IQSEC1: variants seen among roughly 807,000 people sequenced by gnomAD.
IQSEC1 encodes IQ motif and Sec7 domain ArfGEF 1, also known as IQ motif and SEC7 domain-containing protein 1.
A neutral mutation model predicts 91.0 loss-of-function variants in IQSEC1; 31 were observed. The observed-to-expected ratio is 0.34, with a 90% CI of 0.26 to 0.46. The LOEUF is 0.46. Among genes scored for constraint, IQSEC1 ranks in the 20% least tolerant of loss-of-function variants. IQSEC1 has a pLI of 1.00. For synonymous variants in IQSEC1, 699 were observed against 662.6 expected (o/e 1.05, Z -0.84); for missense variants, 1,388 against 1,575.6 (o/e 0.88, Z 2.02).
At chr3:13,191,606 G>A (rs1013054159) in intron 1 of IQSEC1, among the ~76,000 whole-genome samples, 5 of 149,748 alleles carry the variant, frequency 3.3e-5, no homozygotes, top group Non-Finnish European at 7.4e-5. Context: ...CAAAGTGCTG[G>A]GATTACAGGC....
chr3:13,223,801 T>G (rs796762726), intron 1 of IQSEC1, among the ~76,000 whole-genome samples: 1 of 152,306 alleles, frequency 6.6e-6, no homozygotes, highest in African/African-American at 2.4e-5. Flanking sequence ...TCTCAGCATT[T>G]TCTAAATGGA....
At chr3:13,027,794 G>C (rs1211924265) in intron 1 of IQSEC1, among the ~76,000 whole-genome samples, 1 of 152,168 alleles carries the variant, frequency 6.6e-6, no homozygotes, top group Admixed American at 6.5e-5. Context: ...ACTGTGGCTT[G>C]GCTCTGGCTG....
At chr3:13,163,562 G>A (rs962398829) in intron 2 of IQSEC1, among the ~76,000 whole-genome samples, 2 of 152,030 alleles carry the variant, frequency 1.3e-5, no homozygotes, top group Non-Finnish European at 2.9e-5. Context: ...CCCTCTTCTA[G>A]GTTCAGTCAG....
intron 2 of IQSEC1, among the ~76,000 whole-genome samples, chr3:13,119,741 G>C (rs531993111): frequency 1.3e-5 from 2 of 152,266 alleles, no homozygotes; most frequent in Non-Finnish European, 1.5e-5. Flanking sequence ...TGCATGTAAC[G>C]ATTGTGATGG....
chr3:12,905,773 GGTCC>G (rs1259703894), intron 12 of IQSEC1, among the ~76,000 whole-genome samples: 1 of 152,250 alleles, frequency 6.6e-6, no homozygotes, highest in Non-Finnish European at 1.5e-5. Flanking sequence ...GCTGCAGGCA[GGTCC>G]TCTCCGTAAG....
intron 1 of IQSEC1, among the ~76,000 whole-genome samples, chr3:13,182,003 A>G (rs1420064497): frequency 6.6e-6 from 1 of 152,174 alleles, no homozygotes; most frequent in Non-Finnish European, 1.5e-5. Flanking sequence ...ATAAACATTT[A>G]TATGTTTAGT....
At chr3:13,161,068 G>C (rs1035318706) in intron 2 of IQSEC1, among the ~76,000 whole-genome samples, 3 of 152,232 alleles carry the variant, frequency 2.0e-5, no homozygotes, top group Admixed American at 6.5e-5. Flanking sequence ...GGATCTTCGG[G>C]GGGTGGAGTG....
At position 13,193,752 on chromosome 3, in the gene IQSEC1, G is replaced by A. The variant is rs892743096; in HGVS notation, c.273-29619C>T. ...GCTCTCCCTGGACACATGCTGTGCT[G>A]GACGCTGTCCCACTTCCCCCGGCCC... is the stretch of plus-strand genomic sequence containing the variant. On this transcript the variant is annotated intron_variant, in intron 1 of 15. Transcript: ENST00000648114. This position sits in a 1 kb window ranked among gnomAD's most constrained non-coding sequence, Gnocchi z 4.2. Among the ~76,000 whole-genome samples the A allele has an allele frequency of 6.6e-6, 1 of 152,110 alleles. No individual in the cohort carries two copies. The highest frequency in any genetic ancestry group is 2.4e-5 in the African/African-American group (1 of 41,412).
chr3:13,205,887 T>G (rs1694334672), intron 1 of IQSEC1, among the ~76,000 whole-genome samples: 1 of 115,340 alleles, frequency 8.7e-6, no homozygotes, highest in Non-Finnish European at 1.8e-5. Context: ...GATCCCCCCA[T>G]TCATCCCCCA....
At chr3:13,073,996 G>C (rs1391530466), upstream of IQSEC1, among the ~76,000 whole-genome samples, 3 of 152,208 alleles carry the variant, frequency 2.0e-5, no homozygotes. Context: ...GAGAATTTCT[G>C]GTCTAGCTAT....
rs563684387 is a variant in IQSEC1, at chr3:12,978,291, G to A, written c.24-36426C>T. On this transcript the variant is annotated intron_variant, in intron 1 of 13. Transcript: ENST00000613206. ...AGCCTGTGTTCCTTGCACTCCAACA[G>A]TTGTCCTCAAAGTGGGGTCCTAGAA... 2.5e-4 allele frequency among the ~76,000 whole-genome samples: 38 copies of A among 152,314 alleles called. No homozygotes were observed. The Middle Eastern group carries it at 0.01, about 41-fold the overall frequency.
intron 3 of IQSEC1, among the ~76,000 whole-genome samples, chr3:12,931,804 G>A (rs1367375424): frequency 6.6e-6 from 1 of 152,208 alleles, no homozygotes; most frequent in East Asian, 1.9e-4. Flanking sequence ...GAGTGTAGGG[G>A]AGGCCAGGTC....
Position 13,073,157 on chromosome 3 carries a change from C to G in IQSEC1, c.-143G>C, listed in dbSNP as rs2125117701. On this transcript the variant is annotated 5_prime_UTR_variant, in exon 1 of 14. Transcript: ENST00000613206. ...GGGCGAGTCACATTCCCGGGGGTGG[C>G]GGGCTCCTCCAGGGAGGCTGGGGCG... The G allele has an allele frequency of 6.1e-4, 326 of 533,646 alleles. No homozygotes were observed. The highest frequency in any genetic ancestry group is 1.9e-3 in the East Asian group (32 of 16,740). The allele number at this position is 533,646 out of a possible 1,614,324, so 33.1% of individuals were successfully genotyped here.
chr3:13,035,619 G>A (rs535301920), intron 1 of IQSEC1, among the ~76,000 whole-genome samples: 26 of 152,198 alleles, frequency 1.7e-4, no homozygotes, highest in Non-Finnish European at 2.9e-4. Context: ...GGGTTAGAGC[G>A]GAGAAGTGAT....
intron 8 of IQSEC1, 55 bp downstream of exon 8, chr3:12,915,048 TG>T: frequency 6.4e-7 from 1 of 1,558,212 alleles, no homozygotes; most frequent in Non-Finnish European, 8.7e-7. Flanking sequence ...TGGCTGATGC[TG>T]GGCCTCCCCA....
rs568093447 is a variant in IQSEC1, at chr3:13,228,019, G to A, written c.272+54692C>T. Reference sequence around the variant, plus strand: ...AAGGGCCAGCGATGGTTCCTCTGAGGCCCTCGGCTGTCCCTGCTGTCTATG... The same window carrying A: ...AAGGGCCAGCGATGGTTCCTCTGAGACCCTCGGCTGTCCCTGCTGTCTATG... On this transcript the variant is annotated intron_variant, in intron 1 of 15. Coordinates refer to the IQSEC1 transcript ENST00000648114. 7.9e-5 allele frequency among the ~76,000 whole-genome samples: 12 copies of A among 152,296 alleles called. No individual in the cohort carries two copies. The East Asian group carries it at 1.2e-3, about 15-fold the overall frequency.
At chr3:12,902,200 G>A (rs1694389895) in intron 13 of IQSEC1, among the ~76,000 whole-genome samples, 1 of 152,174 alleles carries the variant, frequency 6.6e-6, no homozygotes. Flanking sequence ...CGGAGGATGA[G>A]TGAAATATCA....
chr3:13,206,442 G>A (rs755229745), intron 1 of IQSEC1, among the ~76,000 whole-genome samples: 2 of 152,114 alleles, frequency 1.3e-5, no homozygotes, highest in Admixed American at 1.3e-4. Flanking sequence ...GAGACACCAC[G>A]ATATGCCCAT....
intron 1 of IQSEC1, among the ~76,000 whole-genome samples, chr3:12,944,592 A>G (rs1262057397): frequency 6.6e-6 from 1 of 151,966 alleles, no homozygotes; most frequent in Non-Finnish European, 1.5e-5. Context: ...AGGGCACATC[A>G]CACACGCCCG....
Sources: gnomAD v4.1 joint callset for allele counts (sites outside exome capture counted in the v4.1 genomes callset) on GRCh38, gnomAD v4.1.1 for gene constraint, Gnocchi (gnomAD v3.1) non-coding constraint, MANE v1.5 for transcripts, NCBI Gene and HGNC (gene_info 2026-07-23, HGNC 2026-07-21) for gene names.